The following CCDC159 variants were observed in gnomAD, a reference collection of about 807,000 sequenced individuals.
The protein encoded by CCDC159 is coiled-coil domain-containing protein 159.
A neutral mutation model predicts 50.9 loss-of-function variants in CCDC159; 40 were observed. The ratio of observed to expected loss-of-function variants is 0.79; its 90% CI spans 0.61 to 1.02. The LOEUF (loss-of-function observed/expected upper bound fraction) is 1.02. Ranked by LOEUF, CCDC159 falls within the 50% of genes least tolerant of loss-of-function variation. The pLI is 0.00. For missense variants in CCDC159, 356 were observed against 371.5 expected (o/e 0.96, Z 0.34); for synonymous variants, 146 against 138.9 (o/e 1.05, Z -0.36).
Position 11,350,008 on chromosome 19 carries a change from G to A in CCDC159, c.126G>A (p.Gln42=). The part of the protein sequence containing the change: ...LRCELESLKS[Q]LQAQTKAFEF... ...GTGAACTTGAGTCACTCAAGAGCCA[G>A]TTACAGGCCCAGACCAAGGTGAACC... The change falls in exon 3 of 11, where the codon CAG becomes CAA. Residue 42 remains glutamine, a synonymous_variant. Coordinates refer to ENST00000458408, the MANE Select transcript of CCDC159 (RefSeq NM_001080503.3). 6 of 1,613,802 alleles carry A rather than the reference G, an allele frequency of 3.7e-6. No individual in the cohort carries two copies. The highest frequency in any genetic ancestry group is 5.1e-6 in the Non-Finnish European group (6 of 1,179,852).
At chr19:11,352,180 G>C in intron 7 of CCDC159, 47 bp downstream of exon 7, 10 of 1,571,596 alleles carry the variant, frequency 6.4e-6, no homozygotes, top group African/African-American at 1.3e-5. Context: ...GAGAGGGAGG[G>C]ATGGGGATTT....
intron 8 of CCDC159, 75 bp from the exon 9 acceptor site, chr19:11,353,717 C>A (rs1339790428): frequency 5.2e-6 from 8 of 1,540,798 alleles, no homozygotes; most frequent in Non-Finnish European, 7.0e-6. Context: ...CGGCCCCCAA[C>A]CTTAGCTGTA....
At chr19:11,351,330 G>C (rs1967563222) in intron 5 of CCDC159, 1 of 251,252 alleles carries the variant, frequency 4.0e-6, no homozygotes, top group African/African-American at 2.3e-5. Context: ...CCAGCTACTA[G>C]GGAAGCTGAA....
At chr19:11,351,698 G>C in intron 5 of CCDC159, 1 of 553,726 alleles carries the variant, frequency 1.8e-6, no homozygotes, top group Middle Eastern at 4.9e-4. Context: ...AGGCTGAGTG[G>C]GGTGGGAGAG....
intron 4 of CCDC159, 113 bp downstream of exon 4, chr19:11,350,312 G>A (rs979745167): frequency 4.7e-5 from 33 of 709,520 alleles, no homozygotes; most frequent in Non-Finnish European, 2.1e-5. Flanking sequence ...TCAGGAGTTT[G>A]AGACCAGCCT....
In CCDC159 at chr19:11,354,721, C is replaced by T. The variant is rs748980169; in HGVS notation, c.889+25C>T. ...GGTGCAGATCCTCCCCAGTCCCCCC[C>T]TCCACCCATTTCCCTCCTGACCTGC... On this transcript the variant is annotated intron_variant, in intron 10 of 10. Coordinates refer to ENST00000458408, the MANE Select transcript of CCDC159 (RefSeq NM_001080503.3). 2.4e-5 allele frequency: 38 copies of T among 1,606,554 alleles called. No individual in the cohort carries two copies. The East Asian group carries it at 7.8e-4, about 33-fold the overall frequency.
At chr19:11,348,154 A>G (rs1047629882) in intron 1 of CCDC159, 17 of 456,538 alleles carry the variant, frequency 3.7e-5, no homozygotes, top group Admixed American at 1.6e-4. Flanking sequence ...CTGCCAGGAA[A>G]GGCCTTCCTT....
chr19:11,350,251 C>T lies in CCDC159; in HGVS notation c.226+52C>T, dbSNP rs372575691. ...AGGCTAGGCCAGGCGTGGTGGCTCA[C>T]GCCTGTAATCCCAGCATTTGGGGAG... On this transcript the variant is annotated intron_variant, in intron 4 of 10. Coordinates refer to ENST00000458408, the MANE Select transcript of CCDC159 (RefSeq NM_001080503.3). The T allele has an allele frequency of 2.2e-4, 335 of 1,504,748 alleles. 1 individual carries two copies. The highest frequency in any genetic ancestry group is 2.8e-4 in the Non-Finnish European group (310 of 1,105,390). The allele number at this position is 1,504,748 out of a possible 1,614,324, so 93.2% of individuals were successfully genotyped here. A position where few individuals can be genotyped will look rare whatever the true frequency, so the allele number is the denominator to read the frequency against.
rs1386968124 is a variant in CCDC159 at position 11,346,598 on chromosome 19, TG to T, written c.-7del. Reference sequence around the variant, plus strand: ...GCGTCACAGCTGAGGACTGGCTTCGTGGTCCCTGATGGGAGAGCATGAACAG... The same window carrying T: ...GCGTCACAGCTGAGGACTGGCTTCGTGTCCCTGATGGGAGAGCATGAACAG... On this transcript the variant is annotated 5_prime_UTR_variant, in exon 1 of 11. Transcript: ENST00000458408. The T allele has an allele frequency of 6.4e-7, 1 of 1,551,570 alleles. No individual in the cohort carries two copies. The highest frequency in any genetic ancestry group is 2.4e-5 in the East Asian group (1 of 40,880).
At chr19:11,349,519 T>G (rs1229309864) in intron 1 of CCDC159, 135 bp from the exon 2 acceptor site, 2 of 1,102,382 alleles carry the variant, frequency 1.8e-6, no homozygotes, top group African/African-American at 3.1e-5. Context: ...GAGTGCAGCT[T>G]TGCCTGCACT....
chr19:11,350,352 TAA>T (rs34313280), intron 4 of CCDC159, among the ~76,000 whole-genome samples, 153 bp downstream of exon 4: 1,420 of 104,436 alleles, frequency 0.014, 5 homozygotes, highest in Non-Finnish European at 0.019. Flanking sequence ...CATATCTACT[TAA>T]AAAAAAAAAA....
At chr19:11,353,079 A>T (rs1173398987) in intron 7 of CCDC159, among the ~76,000 whole-genome samples, 1 of 152,022 alleles carries the variant, frequency 6.6e-6, no homozygotes, top group Non-Finnish European at 1.5e-5. Context: ...GTCACCTTTT[A>T]CTATTATCAT....
At chr19:11,351,136 G>C in intron 5 of CCDC159, 133 bp downstream of exon 5, 2 of 958,994 alleles carry the variant, frequency 2.1e-6, no homozygotes, top group Non-Finnish European at 3.0e-6. Flanking sequence ...AAAGCCTGAG[G>C]GACAAGAAGA....
intron 1 of CCDC159, among the ~76,000 whole-genome samples, chr19:11,347,519 G>A (rs902947966): frequency 6.6e-6 from 1 of 152,096 alleles, no homozygotes; most frequent in African/African-American, 2.4e-5. Context: ...TAGTAGAGAT[G>A]GGGTTTCTCC....
chr19:11,349,967 CA>C lies in CCDC159; in HGVS notation c.86del (p.Gln29ArgfsTer25). ...GACCATTGTGATGATTCCCGACTCC[CA>C]GAAGCTCCTGCGATGTGAACTTGAG... The part of the protein sequence containing the change: ...AKTIVMIPDS[Q>X]KLLRCELESL... On this transcript the variant is annotated frameshift_variant, in exon 3 of 11. Coordinates refer to ENST00000458408, the MANE Select transcript of CCDC159 (RefSeq NM_001080503.3). LOFTEE classifies it high-confidence loss of function. 1.2e-6 allele frequency: 2 copies of C among 1,613,906 alleles called. No individual in the cohort carries two copies. The highest frequency in any genetic ancestry group is 1.7e-6 in the Non-Finnish European group (2 of 1,179,862).
At position 11,350,829 on chromosome 19, in the gene CCDC159, G is replaced by T. The variant is rs373250542; in HGVS notation, c.248G>T (p.Arg83Leu). 3.1e-5 allele frequency: 48 copies of T among 1,549,668 alleles called. No homozygotes were observed. Among genetic ancestry groups the T allele is most frequent in the Non-Finnish European group, 3.9e-5 (45 of 1,147,226 alleles). Residue 83 changes from arginine (R) to leucine (L), a missense_variant, in exon 5 of 11, where the codon CGC becomes CTC. Coordinates refer to ENST00000458408, the MANE Select transcript of CCDC159 (RefSeq NM_001080503.3). ...QLEEVLSPTG[R>L]QGEKEEHKWG... ...GCAGAGGTGCTGAGCCCCACAGGCC[G>T]CCAGGGAGAGAAGGAGGAGCACAAG...
intron 1 of CCDC159, chr19:11,348,257 C>T: frequency 2.4e-6 from 1 of 415,454 alleles, no homozygotes; most frequent in South Asian, 1.7e-5. Context: ...ACTGCCCAGC[C>T]CAAACCTTGG....
chr19:11,353,118 G>A (rs1199025695), intron 7 of CCDC159, among the ~76,000 whole-genome samples: 1 of 151,396 alleles, frequency 6.6e-6, no homozygotes, highest in Non-Finnish European at 1.5e-5. Context: ...TTTCTTTTTT[G>A]AGACGGAGTT....
At chr19:11,351,870 C>T (rs1007733765) in intron 5 of CCDC159, 36 bp from the exon 6 acceptor site, 1 of 1,554,208 alleles carries the variant, frequency 6.4e-7, no homozygotes, top group Admixed American at 1.9e-5. Flanking sequence ...AGGGGCCAGG[C>T]AGGGAGTGCA....
Sources: allele counts gnomAD v4.1 joint callset (sites outside exome capture counted in the v4.1 genomes callset), GRCh38; gene constraint gnomAD v4.1.1; transcripts MANE v1.5; gene names NCBI Gene and HGNC (gene_info 2026-07-23, HGNC 2026-07-21).